The following CTDP1 variants were observed in gnomAD, a reference collection of about 807,000 sequenced individuals.
The protein encoded by CTDP1 is RNA polymerase II subunit A C-terminal domain phosphatase.
A neutral mutation model predicts 91.8 loss-of-function variants in CTDP1; 47 were observed. That is an observed-to-expected ratio of 0.51 (90% CI 0.41 to 0.65). The LOEUF (loss-of-function observed/expected upper bound fraction) is 0.65. Among genes scored for constraint, CTDP1 ranks in the 30% least tolerant of loss-of-function variants. CTDP1 has a pLI of 0.00. For missense variants in CTDP1, 1,272 were observed against 1,373.7 expected, an observed-to-expected ratio of 0.93 and a Z score of 1.17; for synonymous variants, 656 against 598.5, an observed-to-expected ratio of 1.10 and a Z score of -1.40.
intron 11 of CTDP1, among the ~76,000 whole-genome samples, chr18:79,733,107 C>T (rs893983173): frequency 7.2e-5 from 11 of 152,254 alleles, no homozygotes; most frequent in Non-Finnish European, 7.3e-5. Flanking sequence ...AGTCCTCGTG[C>T]TGTGGCCTCA....
chr18:79,687,478 C>G (rs1300801196), intron 1 of CTDP1, among the ~76,000 whole-genome samples: 4 of 127,390 alleles, frequency 3.1e-5, no homozygotes, highest in Non-Finnish European at 1.7e-5. Context: ...GCCTGCACCG[C>G]AGCAGTTGGC....
At chr18:79,707,894 A>G (rs1599238221) in intron 5 of CTDP1, among the ~76,000 whole-genome samples, 1 of 152,274 alleles carries the variant, frequency 6.6e-6, no homozygotes, top group Non-Finnish European at 1.5e-5. Flanking sequence ...GCGTGCTTTC[A>G]GTATGACTAG....
chr18:79,702,310 C>G (rs891568197), intron 4 of CTDP1, among the ~76,000 whole-genome samples: 1 of 152,228 alleles, frequency 6.6e-6, no homozygotes, highest in Non-Finnish European at 1.5e-5. Flanking sequence ...GACAGAAAGA[C>G]TATGACTTGC....
chr18:79,710,319 A>C, intron 5 of CTDP1, 27 bp from the exon 6 acceptor site: 1 of 1,579,332 alleles, frequency 6.3e-7, no homozygotes, highest in Non-Finnish European at 8.7e-7. Flanking sequence ...TCAGGTATGT[A>C]ATCTTTGTCC....
At chr18:79,741,183 C>T (rs2086770511) in intron 12 of CTDP1, among the ~76,000 whole-genome samples, 2 of 112,328 alleles carry the variant, frequency 1.8e-5, no homozygotes, top group Middle Eastern at 4.3e-3. Context: ...TGGGTGAGGT[C>T]CCCGTGCGGT....
intron 10 of CTDP1, among the ~76,000 whole-genome samples, chr18:79,728,510 G>A (rs573817577): frequency 6.6e-6 from 1 of 152,238 alleles, no homozygotes; most frequent in East Asian, 1.9e-4. Context: ...GTGTTTTGCC[G>A]TGTAGCTCTC....
rs137869797 is a variant in CTDP1, at chr18:79,718,887, A to G, written c.2417+871A>G. On this transcript the variant is annotated intron_variant, in intron 10 of 12. Transcript: ENST00000613122. ...TGACGGGTACAGAATGCAGGCTGCT[A>G]GAGGGAGACGGGTGCTCACGGTTAA... Among the ~76,000 whole-genome samples the G allele has an allele frequency of 1.6e-3, 242 of 152,288 alleles. 2 individuals are homozygous for G. The highest frequency in any genetic ancestry group is 5.3e-3 in the African/African-American group (222 of 41,570).
intron 1 of CTDP1, among the ~76,000 whole-genome samples, chr18:79,682,475 A>T (rs1329402245): frequency 6.6e-6 from 1 of 152,194 alleles, no homozygotes; most frequent in East Asian, 1.9e-4. Flanking sequence ...ACAGTGATGG[A>T]TTTCTCCAGG....
intron 12 of CTDP1, among the ~76,000 whole-genome samples, chr18:79,742,176 A>AGGTGG (rs964890488): frequency 1.0e-5 from 1 of 95,812 alleles, no homozygotes; most frequent in African/African-American, 3.8e-5. Context: ...AGGAAGCATG[A>AGGTGG]AGCATGAGAG....
At chr18:79,730,282 A>G (rs896830996) in intron 11 of CTDP1, among the ~76,000 whole-genome samples, 1 of 152,222 alleles carries the variant, frequency 6.6e-6, no homozygotes, top group South Asian at 2.1e-4. Context: ...AAGGTTCTGT[A>G]TAAGGAACAG....
upstream of CTDP1, chr18:79,678,153 A>G (rs1045623955): frequency 2.0e-5 from 3 of 152,202 alleles, no homozygotes; most frequent in Non-Finnish European, 4.4e-5. Flanking sequence ...CCACATTTAA[A>G]TGGTTTTGAG....
intron 6 of CTDP1, among the ~76,000 whole-genome samples, chr18:79,711,776 T>G (rs908688994): frequency 5.9e-5 from 9 of 152,242 alleles, no homozygotes; most frequent in Non-Finnish European, 1.2e-4. Flanking sequence ...CTGAGCCTTT[T>G]TGACAGGGCA....
At chr18:79,683,632 C>A (rs927016067) in intron 1 of CTDP1, among the ~76,000 whole-genome samples, 2 of 152,222 alleles carry the variant, frequency 1.3e-5, no homozygotes, top group African/African-American at 4.8e-5. Flanking sequence ...CTGAGGAATG[C>A]GCAGGCGATC....
At chr18:79,725,626 A>G in intron 10 of CTDP1, among the ~76,000 whole-genome samples, 1 of 151,796 alleles carries the variant, frequency 6.6e-6, no homozygotes, top group East Asian at 1.9e-4. Context: ...AGTGTGGTCT[A>G]GAGAACTCGA....
chr18:79,697,737 C>T (rs2085776037), intron 3 of CTDP1, 123 bp from the exon 4 acceptor site: 2 of 1,440,748 alleles, frequency 1.4e-6, no homozygotes, highest in East Asian at 2.3e-5. Context: ...CGGCGCAGTC[C>T]ATGGAGCGTG....
At chr18:79,738,963 T>A (rs1470321597) in intron 12 of CTDP1, among the ~76,000 whole-genome samples, 3 of 152,226 alleles carry the variant, frequency 2.0e-5, no homozygotes, top group Non-Finnish European at 4.4e-5. Context: ...GGCCGTACCT[T>A]CCTTCACTTT....
Position 79,717,617 on chromosome 18 carries a change from C to T in CTDP1, c.2151C>T (p.Arg717=), listed in dbSNP as rs1568198351. ...NPDWLWSCLE[R]WDKVEEQLFP... ...ACTGGCTGTGGAGCTGCCTGGAGCG[C>T]TGGGACAAGGTGGAGGAGCAGCTCT... The change falls in exon 9 of 13, where the codon CGC becomes CGT. Residue 717 remains arginine, a synonymous_variant. Coordinates refer to ENST00000613122, the MANE Select transcript of CTDP1 (RefSeq NM_004715.5). 5.6e-6 allele frequency: 9 copies of T among 1,613,870 alleles called. No individual in the cohort carries two copies. The highest frequency in any genetic ancestry group is 1.3e-5 in the African/African-American group (1 of 74,902).
chr18:79,695,445 C>T, intron 2 of CTDP1, 137 bp downstream of exon 2: 2 of 757,292 alleles, frequency 2.6e-6, no homozygotes, highest in Non-Finnish European at 4.7e-6. Flanking sequence ...CCCTTGGGCC[C>T]CATACGAGTC....
chr18:79,693,550 A>C (rs1257675631), intron 1 of CTDP1, among the ~76,000 whole-genome samples: 1 of 152,192 alleles, frequency 6.6e-6, no homozygotes, highest in Non-Finnish European at 1.5e-5. Flanking sequence ...GCACGTATAC[A>C]TGACGAGATG....
Sources: gnomAD v4.1 joint callset for allele counts (sites outside exome capture counted in the v4.1 genomes callset) on GRCh38, gnomAD v4.1.1 for gene constraint, MANE v1.5 for transcripts, NCBI Gene and HGNC (gene_info 2026-07-23, HGNC 2026-07-21) for gene names.